Variants in MMS22L observed in about 807,000 individuals in gnomAD.
MMS22L encodes the protein protein MMS22-like.
MMS22L carries 74 observed loss-of-function variants against 159.1 expected under a neutral mutation model. The observed-to-expected ratio is 0.47, with a 90% CI of 0.39 to 0.56. The LOEUF (loss-of-function observed/expected upper bound fraction) is 0.56, where lower values mean the gene tolerates loss of function less well. Ranked by LOEUF, MMS22L falls within the 20% of genes least tolerant of loss-of-function variation. The pLI, the probability that MMS22L is intolerant of heterozygous loss-of-function variation, is 0.00. For synonymous variants in MMS22L, 517 were observed against 506.9 expected (o/e 1.02, Z -0.27); for missense variants, 1,351 against 1,422.1 (o/e 0.95, Z 0.80).
At chr6:97,152,222 A>G (rs549299262) in intron 22 of MMS22L, among the ~76,000 whole-genome samples, 1 of 152,262 alleles carries the variant, frequency 6.6e-6, no homozygotes, top group East Asian at 1.9e-4. Flanking sequence ...TGATTTACAG[A>G]CAGGCAGATT....
intron 15 of MMS22L, among the ~76,000 whole-genome samples, chr6:97,183,340 AT>A (rs910491489): frequency 2.2e-4 from 34 of 152,006 alleles, no homozygotes; most frequent in Admixed American, 9.2e-4. Context: ...TCCTTTCTTG[AT>A]TTGTGTACTC....
At chr6:97,230,955 A>G (rs767723603) in intron 13 of MMS22L, 2 of 158,662 alleles carry the variant, frequency 1.3e-5, no homozygotes, top group Non-Finnish European at 2.8e-5. Flanking sequence ...AAGGCTAAGA[A>G]AAGAGCTAAT....
intron 14 of MMS22L, among the ~76,000 whole-genome samples, chr6:97,214,403 T>C (rs867665120): frequency 9.9e-5 from 15 of 152,220 alleles, no homozygotes; most frequent in Admixed American, 5.2e-4. Flanking sequence ...GTTGATGATA[T>C]AGTAAGCGAA....
chr6:97,165,443 C>T lies in MMS22L; in HGVS notation c.3024G>A (p.Val1008=), dbSNP rs1345741120. The T allele has an allele frequency of 2.5e-6, 4 of 1,611,898 alleles. No individual in the cohort carries two copies. Among genetic ancestry groups the T allele is most frequent in the East Asian group, 2.2e-5 (1 of 44,758 alleles). Residue 1008 remains valine, a synonymous_variant, in exon 21 of 25, where the codon GTG becomes GTA. Coordinates refer to ENST00000683635, the MANE Select transcript of MMS22L (RefSeq NM_001350599.2). ...CATTCGGATTTTGAGATTGACAACA[C>T]ACGATACACATGCCCTACAAGGAAA... is the stretch of plus-strand genomic sequence containing the variant. ...LPLYLQGMCI[V]CCQSQNPNAY...
chr6:97,223,236 T>C (rs1204362620), intron 14 of MMS22L, among the ~76,000 whole-genome samples: 1 of 152,022 alleles, frequency 6.6e-6, no homozygotes, highest in East Asian at 1.9e-4. Context: ...TGTAAAACTA[T>C]TACCCAGTTC....
At chr6:97,272,455 C>A in intron 6 of MMS22L, 1 of 382,190 alleles carries the variant, frequency 2.6e-6, no homozygotes, top group Non-Finnish European at 4.7e-6. Context: ...TTAATAACTT[C>A]ATGTATATGA....
At chr6:97,183,018 T>C (rs118009134) in intron 15 of MMS22L, among the ~76,000 whole-genome samples, 2,698 of 152,298 alleles carry the variant, frequency 0.018, 35 homozygotes, top group Non-Finnish European at 0.028. Context: ...TCTGATTTAA[T>C]GAATCTATCT....
At chr6:97,268,594 G>A (rs1368562474) in intron 7 of MMS22L, among the ~76,000 whole-genome samples, 1 of 151,656 alleles carries the variant, frequency 6.6e-6, no homozygotes, top group African/African-American at 2.4e-5. Context: ...AAAAGAGAGA[G>A]AACAACATAA....
chr6:97,180,295 G>A (rs879931297), intron 16 of MMS22L, among the ~76,000 whole-genome samples: 7 of 151,980 alleles, frequency 4.6e-5, no homozygotes, highest in Admixed American at 3.9e-4. Context: ...TAGAGACAGC[G>A]TTTCACCGTG....
intron 1 of MMS22L, chr6:97,282,863 A>AAACCACTCTCCGCCCGTTTCCC (rs1179978397): frequency 6.1e-6 from 1 of 163,908 alleles, no homozygotes; most frequent in Non-Finnish European, 1.3e-5. Flanking sequence ...CAACGTTTCT[A>AAACCACTCTCCGCCCGTTTCCC]AACCACTCTC....
At chr6:97,211,817 TA>T (rs1188113748) in intron 14 of MMS22L, among the ~76,000 whole-genome samples, 1 of 152,134 alleles carries the variant, frequency 6.6e-6, no homozygotes, top group Non-Finnish European at 1.5e-5. Flanking sequence ...GTAGCAAAGT[TA>T]ATTATTTTTA....
intron 16 of MMS22L, among the ~76,000 whole-genome samples, chr6:97,181,411 GATA>G (rs1405019636): frequency 7.2e-5 from 11 of 151,946 alleles, no homozygotes; most frequent in Non-Finnish European, 1.5e-4. Flanking sequence ...AATACTTATA[GATA>G]AGGAAGACAT....
chr6:97,171,076 C>T (rs1803496502), intron 19 of MMS22L, among the ~76,000 whole-genome samples: 1 of 152,086 alleles, frequency 6.6e-6, no homozygotes, highest in Admixed American at 6.6e-5. Context: ...TTAATAAAGT[C>T]ATTAAATTCC....
intron 3 of MMS22L, among the ~76,000 whole-genome samples, chr6:97,279,575 A>T (rs1199289539): frequency 2.6e-5 from 4 of 152,224 alleles, no homozygotes; most frequent in Non-Finnish European, 5.9e-5. Flanking sequence ...ACCTGAGGTC[A>T]GGAATTCAAG....
intron 16 of MMS22L, among the ~76,000 whole-genome samples, chr6:97,180,125 G>T (rs1028351393): frequency 1.3e-5 from 2 of 150,996 alleles, no homozygotes; most frequent in East Asian, 3.9e-4. Flanking sequence ...TTTTTGAGAC[G>T]GAGTCTCGCT....
At chr6:97,165,832 C>T (rs944179664) in intron 20 of MMS22L, among the ~76,000 whole-genome samples, 24 of 152,152 alleles carry the variant, frequency 1.6e-4, no homozygotes, top group African/African-American at 5.5e-4. Flanking sequence ...TTTCTAGGTA[C>T]TGGTTATTTT....
intron 18 of MMS22L, among the ~76,000 whole-genome samples, chr6:97,176,837 A>G (rs1209648443): frequency 3.9e-5 from 6 of 152,246 alleles, no homozygotes; most frequent in African/African-American, 1.2e-4. Context: ...CCTTTTGCTG[A>G]TTATGCTTCG....
At chr6:97,206,323 GAA>G (rs1225854040) in intron 14 of MMS22L, among the ~76,000 whole-genome samples, 1 of 121,282 alleles carries the variant, frequency 8.2e-6, no homozygotes. Context: ...ATTTAACAAG[GAA>G]AAAAAAAAAA....
chr6:97,178,251 T>C (rs1347136039), intron 18 of MMS22L, among the ~76,000 whole-genome samples, 192 bp downstream of exon 18: 2 of 152,196 alleles, frequency 1.3e-5, no homozygotes, highest in African/African-American at 4.8e-5. Flanking sequence ...TTTTCTGCTG[T>C]CCTTAAGTGT....
Sources: allele counts gnomAD v4.1 joint callset (sites outside exome capture counted in the v4.1 genomes callset), GRCh38; gene constraint gnomAD v4.1.1; transcripts MANE v1.5; gene names NCBI Gene and HGNC (gene_info 2026-07-23, HGNC 2026-07-21).